Variants in HEATR5A observed in about 807,000 individuals in gnomAD.
HEATR5A encodes the protein HEAT repeat containing 5A, also known as HEAT repeat-containing protein 5A.
Under a neutral mutation model 218.8 loss-of-function variants are expected in HEATR5A, and 178 were observed. The observed-to-expected ratio is 0.81, with a 90% confidence interval of 0.72 to 0.92. The LOEUF is 0.92. Among genes scored for constraint, HEATR5A ranks in the 40% least tolerant of loss-of-function variants. The probability of loss-of-function intolerance (pLI) is 0.00; values close to 1 mark genes in which losing one functional copy is unlikely to be tolerated. For missense variants in HEATR5A, 2,420 were observed against 2,418.9 expected (o/e 1.00, Z -0.01); for synonymous variants, 864 against 871.6 (o/e 0.99, Z 0.15).
rs537745111 is a variant in HEATR5A, at chr14:31,294,229, A to G, written c.5620-125T>C. ...TATTTCTAATTTGTGTTTAATTTTGAAAGTCCAAGGGCCAACAGGTAATCA... is the reference window on the plus strand; with the variant it reads ...TATTTCTAATTTGTGTTTAATTTTGGAAGTCCAAGGGCCAACAGGTAATCA... On this transcript the variant is annotated intron_variant, in intron 34 of 35. Coordinates refer to ENST00000543095, the MANE Select transcript of HEATR5A (RefSeq NM_015473.4). 6.9e-5 allele frequency: 47 copies of G among 677,380 alleles called. No individual in the cohort carries two copies. The African/African-American group carries it at 7.9e-4, about 11-fold the overall frequency. The allele number at this position is 677,380 out of a possible 1,614,324, so 42.0% of individuals were successfully genotyped here.
intron 1 of HEATR5A, among the ~76,000 whole-genome samples, chr14:31,408,641 TCAGA>T (rs756997178): frequency 3.4e-4 from 51 of 152,176 alleles, no homozygotes; most frequent in Non-Finnish European, 4.4e-4. Flanking sequence ...TCTTCAAATG[TCAGA>T]CATAGTGTAT....
At position 31,293,577 on chromosome 14, in the gene HEATR5A, T is replaced by G. The variant is rs1487710941; in HGVS notation, c.5869A>C (p.Ile1957Leu). ...QLVACLLPIL[I>L]SFLLDENSLG... ...GAATTTTCATCCAAAAGGAAGGAAA[T>G]GAGGATGGGCAAAAGACAGGCCACC... is the stretch of plus-strand genomic sequence containing the variant. The change falls in exon 36 of 36, where the codon ATT (isoleucine) becomes CTT (leucine). Residue 1957 changes from isoleucine to leucine, a missense_variant. By Grantham distance (5) the Ile-to-Leu change is conservative (BLOSUM62 2). Coordinates refer to ENST00000543095, the MANE Select transcript of HEATR5A (RefSeq NM_015473.4). 6 of 1,613,086 alleles carry G rather than the reference T, an allele frequency of 3.7e-6. No individual in the cohort carries two copies. The highest frequency in any genetic ancestry group is 1.3e-5 in the African/African-American group (1 of 74,794).
chr14:31,402,435 A>G (rs539992894), intron 2 of HEATR5A, among the ~76,000 whole-genome samples: 98 of 152,288 alleles, frequency 6.4e-4, no homozygotes, highest in Non-Finnish European at 1.1e-3. Flanking sequence ...CTGTTTATCC[A>G]TAGGCTCTTG....
intron 22 of HEATR5A, among the ~76,000 whole-genome samples, chr14:31,327,773 C>T (rs1432299850): frequency 6.6e-6 from 1 of 152,076 alleles, no homozygotes; most frequent in African/African-American, 2.4e-5. Context: ...TATCACTATA[C>T]AATATTCTCA....
chr14:31,343,766 T>C (rs1374863547), intron 21 of HEATR5A, 130 bp downstream of exon 21: 1 of 627,454 alleles, frequency 1.6e-6, no homozygotes, highest in African/African-American at 1.9e-5. Flanking sequence ...AGACTAGAAC[T>C]GAGGGGAAAT....
At position 31,309,048 on chromosome 14, in the gene HEATR5A, C is replaced by T; in HGVS notation, c.4576G>A (p.Ala1526Thr). The change falls in exon 29 of 36, where the codon GCA (alanine) becomes ACA (threonine). Residue 1526 changes from alanine (A) to threonine (T), a missense_variant. Ala to Thr is a moderately conservative substitution (Grantham distance 58, BLOSUM62 0). Transcript: ENST00000543095. ...GFVVADPDEG[A>T]SNLSRPVTPT... ...GTTACAGGCCTGGAGAGATTAGATG[C>T]TCCTTCATCTGGGTCAGCAACAACA... 6.2e-7 allele frequency: 1 copy of T among 1,613,940 alleles called. No homozygotes were observed. The highest frequency in any genetic ancestry group is 8.5e-7 in the Non-Finnish European group (1 of 1,179,868).
At chr14:31,407,584 TTATATATATATATATATATATATATA>T (rs1039144242) in intron 1 of HEATR5A, among the ~76,000 whole-genome samples, 1 of 1,338 alleles carries the variant, frequency 7.5e-4, no homozygotes, top group African/African-American at 9.6e-4. Flanking sequence ...CTTATTTTAT[TTATATATATATATATATATATATATA>T]TATATATATA....
chr14:31,344,952 G>A, intron 20 of HEATR5A, 135 bp downstream of exon 20: 1 of 691,852 alleles, frequency 1.4e-6, no homozygotes, highest in South Asian at 2.0e-5. Flanking sequence ...GAGAAATCAG[G>A]CTGAATGGCA....
intron 11 of HEATR5A, among the ~76,000 whole-genome samples, chr14:31,379,409 C>T (rs1393111396): frequency 6.6e-6 from 1 of 151,402 alleles, no homozygotes; most frequent in African/African-American, 2.4e-5. Context: ...CACCACCATG[C>T]CCGGCTAATT....
intron 1 of HEATR5A, among the ~76,000 whole-genome samples, chr14:31,411,371 A>C (rs1690391400): frequency 6.6e-6 from 1 of 152,246 alleles, no homozygotes; most frequent in Non-Finnish European, 1.5e-5. Flanking sequence ...CTGTCATATA[A>C]AACCATGAAA....
In HEATR5A at chr14:31,293,897, G is replaced by A. The variant is rs749130230; in HGVS notation, c.5827C>T (p.His1943Tyr). 3 of 1,596,324 alleles carry A rather than the reference G, an allele frequency of 1.9e-6. No individual in the cohort carries two copies. The East Asian group carries it at 6.7e-5, about 36-fold the overall frequency. ...ATTTAGTGCTGACACTTACGATGGT[G>A]TTCTTCAGCAACAGTAACCAGTGTT... The part of the protein sequence containing the change: ...LETLVTVAEE[H>Y]HRAQLVACLL... The change falls in exon 35 of 36, where the codon CAC becomes TAC. Residue 1943 changes from histidine (H) to tyrosine (Y), a missense_variant. Coordinates refer to ENST00000543095, the MANE Select transcript of HEATR5A (RefSeq NM_015473.4).
intron 35 of HEATR5A, 120 bp downstream of exon 35, chr14:31,293,771 A>G (rs1240556054): frequency 1.9e-6 from 2 of 1,052,654 alleles, no homozygotes; most frequent in African/African-American, 1.6e-5. Flanking sequence ...TGGGATTAAC[A>G]TAACACCTTT....
chr14:31,303,143 C>T (rs1404568626), intron 32 of HEATR5A, among the ~76,000 whole-genome samples: 4 of 151,616 alleles, frequency 2.6e-5, no homozygotes, highest in African/African-American at 9.7e-5. Context: ...AAAAAAATAA[C>T]ACCTTTAGTG....
In HEATR5A at chr14:31,400,303, C is replaced by T. The variant is rs1246820014; in HGVS notation, c.336G>A (p.Lys112=). The change falls in exon 3 of 36, where the codon AAG becomes AAA. Residue 112 remains lysine, a splice_region_variant and synonymous_variant. Coordinates refer to ENST00000543095, the MANE Select transcript of HEATR5A (RefSeq NM_015473.4). ...KDDSPSYLPT[K]LAAVVCLGSL... ...TTCTGTTTTAATGTTTCACTTACAGCTTAGTGGGAAGATAACTTGGAGAAT... is the reference window on the plus strand; with the variant it reads ...TTCTGTTTTAATGTTTCACTTACAGTTTAGTGGGAAGATAACTTGGAGAAT... 32 of 1,527,674 alleles carry T rather than the reference C, an allele frequency of 2.1e-5. No individual in the cohort carries two copies. The highest frequency in any genetic ancestry group is 2.8e-5 in the Non-Finnish European group (32 of 1,140,016). 94.6% of individuals were successfully genotyped at this position (1,527,674 alleles called of 1,614,324 possible).
At chr14:31,316,252 ACCT>A (rs1328320239) in intron 26 of HEATR5A, among the ~76,000 whole-genome samples, 4 of 152,200 alleles carry the variant, frequency 2.6e-5, no homozygotes, top group African/African-American at 9.6e-5. Flanking sequence ...ACGTATCTAG[ACCT>A]CTAGATTGGG....
At chr14:31,322,802 G>A (rs1900149439) in intron 24 of HEATR5A, among the ~76,000 whole-genome samples, 1 of 136,858 alleles carries the variant, frequency 7.3e-6, no homozygotes, top group African/African-American at 2.7e-5. Flanking sequence ...CTGGGTGACA[G>A]AGTGAAATGC....
chr14:31,293,754 C>T (rs1899090974), intron 35 of HEATR5A, 137 bp downstream of exon 35: 1 of 1,039,722 alleles, frequency 9.6e-7, no homozygotes, highest in Middle Eastern at 2.2e-4. Flanking sequence ...TAAATAATAT[C>T]AATACTTGGG....
chr14:31,347,249 T>C (rs1425425396), intron 19 of HEATR5A, among the ~76,000 whole-genome samples: 1 of 152,244 alleles, frequency 6.6e-6, no homozygotes, highest in African/African-American at 2.4e-5. Flanking sequence ...TCTGGCTCTG[T>C]TGCCTAGGCT....
chr14:31,355,313 C>T (rs562580057), intron 16 of HEATR5A, among the ~76,000 whole-genome samples: 5 of 151,804 alleles, frequency 3.3e-5, no homozygotes, highest in South Asian at 4.2e-4. Context: ...CTCGGGAGGC[C>T]GAGGCAGGAG....
Sources: gnomAD v4.1 joint callset for allele counts (sites outside exome capture counted in the v4.1 genomes callset) on GRCh38, gnomAD v4.1.1 for gene constraint, MANE v1.5 for transcripts, NCBI Gene and HGNC (gene_info 2026-07-23, HGNC 2026-07-21) for gene names.